SDK1: variants seen among roughly 807,000 people sequenced by gnomAD.
SDK1 encodes sidekick cell adhesion molecule 1.
Under a neutral mutation model 245.5 loss-of-function variants are expected in SDK1, and 157 were observed. That is an observed-to-expected ratio of 0.64 (90% CI 0.56 to 0.73). The LOEUF is 0.73. Ranked by LOEUF, SDK1 falls within the 30% of genes least tolerant of loss-of-function variation. SDK1 has a pLI of 0.00. For synonymous variants in SDK1, 1,647 were observed against 1,278.5 expected, an observed-to-expected ratio of 1.29 and a Z score of -6.15; for missense variants, 3,583 against 3,002.3, an observed-to-expected ratio of 1.19 and a Z score of -4.52.
intron 14 of SDK1, among the ~76,000 whole-genome samples, chr7:4,003,186 TCTC>T (rs765778721): frequency 6.6e-6 from 1 of 152,262 alleles, no homozygotes; most frequent in Non-Finnish European, 1.5e-5. Context: ...GATCTGCTCT[TCTC>T]ATGCAAAACA....
At chr7:4,040,691 A>C (rs1788563124) in intron 17 of SDK1, among the ~76,000 whole-genome samples, 1 of 152,154 alleles carries the variant, frequency 6.6e-6, no homozygotes, top group Non-Finnish European at 1.5e-5. Context: ...AGGCACAAAA[A>C]ACCAGGACTG....
chr7:4,202,612 C>A (rs956101935), intron 35 of SDK1, among the ~76,000 whole-genome samples: 4 of 152,216 alleles, frequency 2.6e-5, no homozygotes, highest in South Asian at 2.1e-4. Context: ...TTCCGCCTGG[C>A]GGACGGTGAA....
intron 1 of SDK1, among the ~76,000 whole-genome samples, chr7:3,453,443 G>C (rs1780581020): frequency 6.6e-6 from 1 of 152,152 alleles, no homozygotes; most frequent in South Asian, 2.1e-4. Context: ...TCAGGATCTT[G>C]AGATGAAGAG....
rs529111463 is a variant in SDK1 at position 3,804,625 on chromosome 7, C to T, written c.714-16825C>T. On this transcript the variant is annotated intron_variant, in intron 4 of 44. Transcript: ENST00000404826. ...TCTTGCTGAGATTTTGAAGGAATCA[C>T]ATTAAACACGTAGGCCTGTTCGGAC... Among the ~76,000 whole-genome samples, 95 of 152,304 alleles carry T rather than the reference C, an allele frequency of 6.2e-4. 1 individual carries two copies. Among genetic ancestry groups the T allele is most frequent in the African/African-American group, 1.9e-3 (80 of 41,550 alleles).
chr7:3,949,145 A>T (rs536330300), intron 5 of SDK1, among the ~76,000 whole-genome samples: 45 of 152,258 alleles, frequency 3.0e-4, no homozygotes, highest in Middle Eastern at 6.8e-3. Context: ...GTTTCCGGAG[A>T]AGCTTCGAGG....
Position 4,119,177 on chromosome 7 carries a change from C to T in SDK1, c.3823+4903C>T, listed in dbSNP as rs561456629. On this transcript the variant is annotated intron_variant, in intron 25 of 44. Transcript: ENST00000404826. The stretch of plus-strand genomic sequence containing the variant: ...TATTAAAATAAGTATGGGCTGGGGG[C>T]TGTGATTCGTACCTGTAATCCCAAC... 2.5e-4 allele frequency among the ~76,000 whole-genome samples: 37 copies of T among 148,566 alleles called. 7 individuals carry two copies. The South Asian group carries it at 8.3e-3, about 33-fold the overall frequency.
At chr7:3,655,501 A>ATATGTATGTATGTATGTATGCATGTATG (rs1283673481) in intron 4 of SDK1, among the ~76,000 whole-genome samples, 10 of 52,818 alleles carry the variant, frequency 1.9e-4, no homozygotes, top group African/African-American at 5.1e-4. Context: ...ATATATATAT[A>ATATGTATGTATGTATGTATGCATGTATG]TATGTATGTA....
At chr7:3,428,943 G>A (rs1042590012) in intron 1 of SDK1, among the ~76,000 whole-genome samples, 3 of 152,240 alleles carry the variant, frequency 2.0e-5, no homozygotes, top group African/African-American at 7.2e-5. Flanking sequence ...CAGCAGCAGT[G>A]GGTAGGGATG....
intron 5 of SDK1, among the ~76,000 whole-genome samples, chr7:3,917,034 T>A (rs1469345827): frequency 6.6e-6 from 1 of 152,198 alleles, no homozygotes; most frequent in Non-Finnish European, 1.5e-5. Flanking sequence ...ATCTTTTCCA[T>A]CTAAAAACAC....
chr7:4,166,773 C>T (rs1353984008), intron 32 of SDK1, among the ~76,000 whole-genome samples: 1 of 152,194 alleles, frequency 6.6e-6, no homozygotes, highest in African/African-American at 2.4e-5. Flanking sequence ...GACAGTGGCA[C>T]GTGGTTGAGC....
rs1013998390 is a variant in SDK1 at position 3,597,128 on chromosome 7, C to T, written c.299-21952C>T. ...TACTAAAAATACACAAAAAATTAGC[C>T]GGATGTGGTGGCGGGTGCCTGTAGT... is the stretch of plus-strand genomic sequence containing the variant. On this transcript the variant is annotated intron_variant, in intron 1 of 44. Coordinates refer to ENST00000404826, the MANE Select transcript of SDK1 (RefSeq NM_152744.4). Among the ~76,000 whole-genome samples the T allele has an allele frequency of 6.6e-5, 10 of 151,760 alleles. 1 individual carries two copies. The highest frequency in any genetic ancestry group is 2.0e-4 in the Admixed American group (3 of 15,230).
chr7:4,259,237 G>A (rs1360382090), intron 44 of SDK1, among the ~76,000 whole-genome samples: 3 of 152,214 alleles, frequency 2.0e-5, no homozygotes, highest in Admixed American at 6.5e-5. Flanking sequence ...TCAGGAGTTC[G>A]AGACCAGCCT....
At chr7:3,522,729 C>G (rs941786657) in intron 1 of SDK1, among the ~76,000 whole-genome samples, 2 of 152,126 alleles carry the variant, frequency 1.3e-5, no homozygotes, top group African/African-American at 2.4e-5. Context: ...TGCAGAGGTG[C>G]TATCCTAAAT....
intron 16 of SDK1, among the ~76,000 whole-genome samples, chr7:4,016,642 T>C (rs553874305): frequency 3.9e-5 from 6 of 152,334 alleles, no homozygotes; most frequent in African/African-American, 1.4e-4. Flanking sequence ...TCATAGTTAG[T>C]ACTGGACTAG....
intron 4 of SDK1, among the ~76,000 whole-genome samples, chr7:3,727,293 C>G (rs141396962): frequency 6.6e-6 from 1 of 152,266 alleles, no homozygotes; most frequent in African/African-American, 2.4e-5. Flanking sequence ...TTGTTTGTGT[C>G]TTCTCATCTA....
chr7:4,227,325 C>A, intron 40 of SDK1: 1 of 467,364 alleles, frequency 2.1e-6, no homozygotes, highest in Non-Finnish European at 4.4e-6. Flanking sequence ...AGCCCGGCTT[C>A]CCACCCCTTC....
chr7:3,418,805 T>G (rs1779454500), intron 1 of SDK1, among the ~76,000 whole-genome samples: 1 of 152,186 alleles, frequency 6.6e-6, no homozygotes, highest in Non-Finnish European at 1.5e-5. Context: ...CTCAGCACTT[T>G]ATATATACAG....
chr7:3,343,778 A>C (rs571792154), intron 1 of SDK1, among the ~76,000 whole-genome samples: 1 of 152,258 alleles, frequency 6.6e-6, no homozygotes, highest in Admixed American at 6.5e-5. Context: ...AGTGCCTTAA[A>C]ATACAGGTGA....
At chr7:3,324,235 A>T (rs1779888034) in intron 1 of SDK1, among the ~76,000 whole-genome samples, 1 of 152,288 alleles carries the variant, frequency 6.6e-6, no homozygotes, top group East Asian at 1.9e-4. Context: ...AATGTTTTTT[A>T]AAAGTAAATT....
Sources: allele counts gnomAD v4.1 joint callset (sites outside exome capture counted in the v4.1 genomes callset), GRCh38; gene constraint gnomAD v4.1.1; transcripts MANE v1.5; gene names NCBI Gene and HGNC (gene_info 2026-07-23, HGNC 2026-07-21).